Variants in PDE11A observed in about 807,000 individuals in gnomAD.
PDE11A encodes the protein phosphodiesterase 11A, also known as dual 3',5'-cyclic-AMP and -GMP phosphodiesterase 11A.
Under a neutral mutation model 100.5 loss-of-function variants are expected in PDE11A, and 100 were observed. The ratio of observed to expected loss-of-function variants is 1.00; its 90% CI spans 0.85 to 1.18. PDE11A has a LOEUF of 1.18. Ranked by LOEUF, PDE11A falls within the 50% of genes most tolerant of loss-of-function variation. The pLI is 0.00. For synonymous variants in PDE11A, 381 were observed against 420.8 expected (o/e 0.91, Z 1.16); for missense variants, 1,141 against 1,152.6 (o/e 0.99, Z 0.15).
At chr2:177,931,927 A>AG (rs1469456930) in intron 2 of PDE11A, among the ~76,000 whole-genome samples, 2 of 151,378 alleles carry the variant, frequency 1.3e-5, no homozygotes, top group African/African-American at 4.8e-5. Flanking sequence ...AAAAAAAAAA[A>AG]AAAGAAAGAC....
chr2:177,857,244 C>T (rs925426892), intron 5 of PDE11A, among the ~76,000 whole-genome samples: 13 of 151,784 alleles, frequency 8.6e-5, no homozygotes, highest in Admixed American at 5.3e-4. Context: ...CTCAAATAAA[C>T]AAAAACTGAG....
At chr2:178,040,803 T>A (rs1436418880) in intron 1 of PDE11A, among the ~76,000 whole-genome samples, 1 of 152,248 alleles carries the variant, frequency 6.6e-6, no homozygotes, top group African/African-American at 2.4e-5. Context: ...GCCTTCCTTC[T>A]TTACAGTTCT....
intron 19 of PDE11A, among the ~76,000 whole-genome samples, chr2:177,631,592 CAT>C (rs561567306): frequency 4.3e-5 from 1 of 23,426 alleles, no homozygotes; most frequent in Non-Finnish European, 1.0e-4. Flanking sequence ...TATACACACA[CAT>C]ATATATGTGT....
At chr2:177,668,601 A>C (rs2080625639) in intron 18 of PDE11A, among the ~76,000 whole-genome samples, 2 of 152,222 alleles carry the variant, frequency 1.3e-5, no homozygotes, top group Non-Finnish European at 2.9e-5. Flanking sequence ...CAAGCAGATG[A>C]AACTATTCAA....
chr2:177,757,812 T>A (rs2082111130), intron 10 of PDE11A, among the ~76,000 whole-genome samples: 1 of 152,064 alleles, frequency 6.6e-6, no homozygotes, highest in Non-Finnish European at 1.5e-5. Context: ...TGAACTTAGA[T>A]CCCTTCTACC....
intron 1 of PDE11A, among the ~76,000 whole-genome samples, chr2:178,051,451 A>C (rs569622634): frequency 6.6e-6 from 1 of 152,328 alleles, no homozygotes; most frequent in Admixed American, 6.5e-5. Flanking sequence ...GCATCAACTA[A>C]CGGGCAAAAT....
At chr2:177,917,946 T>C (rs1214374827) in intron 2 of PDE11A, among the ~76,000 whole-genome samples, 2 of 152,226 alleles carry the variant, frequency 1.3e-5, no homozygotes, top group African/African-American at 4.8e-5. Flanking sequence ...ATTTAATTAA[T>C]GTAATAGTAC....
chr2:177,934,777 A>T (rs142877899), intron 2 of PDE11A, among the ~76,000 whole-genome samples: 5 of 152,368 alleles, frequency 3.3e-5, no homozygotes, highest in African/African-American at 9.6e-5. Flanking sequence ...AATGTGATAT[A>T]TATACACCAT....
chr2:177,902,292 T>A (rs1025583374), intron 3 of PDE11A, among the ~76,000 whole-genome samples: 3 of 152,082 alleles, frequency 2.0e-5, no homozygotes, highest in Admixed American at 2.0e-4. Flanking sequence ...AGAATGTACT[T>A]TGTATGCCTA....
intron 12 of PDE11A, among the ~76,000 whole-genome samples, chr2:177,726,483 C>T (rs1226212441): frequency 1.3e-5 from 2 of 151,908 alleles, no homozygotes; most frequent in Admixed American, 6.6e-5. Flanking sequence ...AGGAGGATGA[C>T]AGATTTGTAA....
chr2:177,853,791 T>TATATATGTATATATGTGC (rs1156377698), intron 5 of PDE11A, among the ~76,000 whole-genome samples: 1 of 141,622 alleles, frequency 7.1e-6, no homozygotes, highest in Non-Finnish European at 1.5e-5. Context: ...TGTGTATAGA[T>TATATATGTATATATGTGC]ATATATGTAT....
chr2:177,914,852 G>A (rs547697132), intron 2 of PDE11A, among the ~76,000 whole-genome samples: 15 of 152,092 alleles, frequency 9.9e-5, no homozygotes, highest in African/African-American at 3.6e-4. Context: ...TCACTGTCTC[G>A]TTTATCAAAC....
At chr2:177,761,868 T>C (rs1266416901) in intron 10 of PDE11A, among the ~76,000 whole-genome samples, 1 of 152,174 alleles carries the variant, frequency 6.6e-6, no homozygotes, top group East Asian at 1.9e-4. Context: ...ACTTTTAATG[T>C]CCAATTAAAT....
At chr2:177,637,979 G>GTATATA (rs1191837108) in intron 19 of PDE11A, among the ~76,000 whole-genome samples, 9 of 50,934 alleles carry the variant, frequency 1.8e-4, no homozygotes, top group African/African-American at 4.8e-4. Context: ...ATATACACGT[G>GTATATA]TATATATATA....
chr2:177,817,049 G>A, intron 8 of PDE11A, 128 bp from the exon 9 acceptor site: 3 of 699,134 alleles, frequency 4.3e-6, no homozygotes, highest in Non-Finnish European at 7.9e-6. Context: ...TAGGCCTTGG[G>A]GAAATAGGCA....
intron 1 of PDE11A, among the ~76,000 whole-genome samples, chr2:178,034,459 A>T (rs1162989835): frequency 6.6e-6 from 1 of 152,222 alleles, no homozygotes; most frequent in Non-Finnish European, 1.5e-5. Flanking sequence ...AATATTAGAC[A>T]GATCAATGAG....
At position 177,814,643 on chromosome 2, in the gene PDE11A, T is replaced by A. The variant is rs983020812; in HGVS notation, c.1737+2186A>T. On this transcript the variant is annotated intron_variant, in intron 9 of 19. Coordinates refer to ENST00000286063, the MANE Select transcript of PDE11A (RefSeq NM_016953.4). The stretch of plus-strand genomic sequence containing the variant: ...TCAACTTCTTGAAAGTTTCAGATTG[T>A]CACAAGGCTAAGAGTTGGGCTAGAG... Among the ~76,000 whole-genome samples, 5 of 152,340 alleles carry A rather than the reference T, an allele frequency of 3.3e-5. 1 individual carries two copies. In the South Asian group the frequency reaches 1.0e-3, roughly 32 times the overall value.
rs2079789063 is a variant in PDE11A at position 177,623,342 on chromosome 2, C to A, written c.*6065G>T. Reference sequence around the variant, plus strand: ...GATTAGTTGCTTGTGAAATGGCCAACCTGTCTATAATGTAATATTCTTACA... The same window carrying A: ...GATTAGTTGCTTGTGAAATGGCCAAACTGTCTATAATGTAATATTCTTACA... On this transcript the variant is annotated 3_prime_UTR_variant, in exon 20 of 20. Transcript: ENST00000286063. 6.6e-6 allele frequency: 1 copy of A among 152,186 alleles called. No homozygotes were observed. Among genetic ancestry groups the A allele is most frequent in the African/African-American group, 2.4e-5 (1 of 41,428 alleles). 9.4% of individuals were successfully genotyped at this position (152,186 alleles called of 1,614,324 possible). A position where few individuals can be genotyped will look rare whatever the true frequency, so the allele number is the denominator to read the frequency against.
At chr2:177,904,475 C>A (rs180852585) in intron 3 of PDE11A, among the ~76,000 whole-genome samples, 11 of 152,030 alleles carry the variant, frequency 7.2e-5, no homozygotes, top group Admixed American at 1.3e-4. Flanking sequence ...AAAAGCATCA[C>A]CAAATTGTGT....
Sources: gnomAD v4.1 joint callset for allele counts (sites outside exome capture counted in the v4.1 genomes callset) on GRCh38, gnomAD v4.1.1 for gene constraint, MANE v1.5 for transcripts, NCBI Gene and HGNC (gene_info 2026-07-23, HGNC 2026-07-21) for gene names.